The following DEPDC1B variants were observed in gnomAD, a reference collection of about 807,000 sequenced individuals.
DEPDC1B encodes the protein DEP domain-containing protein 1B.
Under a neutral mutation model 66.5 loss-of-function variants are expected in DEPDC1B, and 51 were observed. That is an observed-to-expected ratio of 0.77 (90% CI 0.61 to 0.97). The LOEUF is 0.97. Among genes scored for constraint, DEPDC1B ranks in the 50% least tolerant of loss-of-function variants. The pLI is 0.00. For synonymous variants in DEPDC1B, 226 were observed against 223.6 expected (o/e 1.01, Z -0.10); for missense variants, 552 against 637.1 (o/e 0.87, Z 1.44).
At chr5:60,699,002 C>A (rs1754716438) in intron 1 of DEPDC1B, among the ~76,000 whole-genome samples, 1 of 152,136 alleles carries the variant, frequency 6.6e-6, no homozygotes, top group Non-Finnish European at 1.5e-5. Flanking sequence ...TCAAAGCGAT[C>A]TATGAGCCAA....
chr5:60,672,249 AAG>A (rs1173726841), intron 2 of DEPDC1B, among the ~76,000 whole-genome samples: 1 of 152,214 alleles, frequency 6.6e-6, no homozygotes, highest in Admixed American at 6.5e-5. Context: ...ATTTGAGCGC[AAG>A]TTACAGTAGA....
chr5:60,660,639 A>G (rs1045110911), intron 2 of DEPDC1B, among the ~76,000 whole-genome samples: 3 of 152,252 alleles, frequency 2.0e-5, no homozygotes, highest in African/African-American at 7.2e-5. Flanking sequence ...GGGAAACCTC[A>G]TTGTAAGCAC....
rs911881298 is a variant in DEPDC1B at position 60,605,912 on chromosome 5, A to G, written c.899-56T>C. On this transcript the variant is annotated intron_variant, in intron 7 of 10. Transcript: ENST00000265036. ...CAACACCTATAGCCTAGTAGATTCT[A>G]TATGGTTGTATTTTAACAAAATATA... 2.8e-6 allele frequency: 4 copies of G among 1,435,908 alleles called. No individual in the cohort carries two copies. The Admixed American group carries it at 9.3e-5, about 33-fold the overall frequency. 88.9% of individuals were successfully genotyped at this position (1,435,908 alleles called of 1,614,324 possible). A position where few individuals can be genotyped will look rare whatever the true frequency, so the allele number is the denominator to read the frequency against.
intron 9 of DEPDC1B, among the ~76,000 whole-genome samples, chr5:60,601,380 T>C (rs1752196689): frequency 6.6e-6 from 1 of 152,238 alleles, no homozygotes; most frequent in African/African-American, 2.4e-5. Context: ...CAAGTGTTAA[T>C]GATAATATCC....
chr5:60,597,859 G>C lies in DEPDC1B; in HGVS notation c.1484C>G (p.Ala495Gly). The change falls in exon 11 of 11, where the codon GCA becomes GGA. Residue 495 changes from alanine (A) to glycine (G), a missense_variant. Ala to Gly is a moderately conservative substitution (Grantham distance 60, BLOSUM62 0). Coordinates refer to ENST00000265036, the MANE Select transcript of DEPDC1B (RefSeq NM_018369.3). Reference protein sequence around the residue: ...YQERFPTPESAALLFPEKPKP... With the variant: ...YQERFPTPESGALLFPEKPKP... ...GGGTTTTTCAGGAAACAGAAGTGCT[G>C]CACTTTCTGGTGTAGGAAATCGTTC... is the stretch of plus-strand genomic sequence containing the variant. The C allele has an allele frequency of 6.2e-7, 1 of 1,613,046 alleles. No homozygotes were observed. Among genetic ancestry groups the C allele is most frequent in the Non-Finnish European group, 8.5e-7 (1 of 1,179,546 alleles).
chr5:60,658,086 T>C (rs1364646148), intron 2 of DEPDC1B, among the ~76,000 whole-genome samples: 2 of 152,230 alleles, frequency 1.3e-5, no homozygotes, highest in African/African-American at 2.4e-5. Context: ...ATTCTATCAC[T>C]GAGACTTTCC....
Position 60,687,110 on chromosome 5 carries a change from G to T in DEPDC1B, c.166C>A (p.Leu56Met), listed in dbSNP as rs777278688. ...CCGAAGTTTTGACTGCACCTCAGCA[G>T]CTCATGCAGCCAATCCACAGCTTCG... ...AAEAVDWLHELLRCSQNFGPE... is the reference protein window; with the variant it reads ...AAEAVDWLHEMLRCSQNFGPE... Residue 56 changes from leucine to methionine, a missense_variant, in exon 2 of 11, where the codon CTG becomes ATG. Physicochemically the swap from Leu to Met is conservative, Grantham distance 15. Coordinates refer to ENST00000265036, the MANE Select transcript of DEPDC1B (RefSeq NM_018369.3). The T allele has an allele frequency of 8.7e-6, 14 of 1,614,208 alleles. No homozygotes were observed. The highest frequency in any genetic ancestry group is 1.1e-5 in the South Asian group (1 of 91,082).
intron 2 of DEPDC1B, among the ~76,000 whole-genome samples, chr5:60,662,261 G>T (rs1285990252): frequency 1.3e-5 from 2 of 152,204 alleles, no homozygotes; most frequent in South Asian, 2.1e-4. Context: ...GGTGGCAGGC[G>T]CCTATAGTCC....
At chr5:60,636,622 G>A (rs1753049888) in intron 7 of DEPDC1B, among the ~76,000 whole-genome samples, 1 of 152,078 alleles carries the variant, frequency 6.6e-6, no homozygotes, top group Non-Finnish European at 1.5e-5. Context: ...TAACAGGATT[G>A]CTATGTTAGA....
chr5:60,628,187 T>C (rs1752844711), intron 7 of DEPDC1B: 1 of 152,220 alleles, frequency 6.6e-6, no homozygotes, highest in African/African-American at 2.4e-5. Flanking sequence ...TTATTCAGAA[T>C]TGTTAAGTGC....
At chr5:60,609,732 C>A (rs1263367683) in intron 7 of DEPDC1B, among the ~76,000 whole-genome samples, 1 of 152,096 alleles carries the variant, frequency 6.6e-6, no homozygotes, top group Non-Finnish European at 1.5e-5. Context: ...ATTTAGCTAT[C>A]TTTTATAGCA....
In DEPDC1B at chr5:60,613,828, G is replaced by GTGTGTGTGTGTGTA. The variant is rs3989094; in HGVS notation, c.899-7973_899-7972insTACACACACACACA. 9.0e-3 allele frequency among the ~76,000 whole-genome samples: 1,307 copies of GTGTGTGTGTGTGTA among 144,452 alleles called. 30 individuals carry two copies. The highest frequency in any genetic ancestry group is 0.03 in the African/African-American group (1,151 of 38,136). 94.8% of individuals were successfully genotyped at this position (144,452 alleles called of 152,430 possible). ...TGTGTGTGTGTGTGTGTGTGTGTGT[G>GTGTGTGTGTGTGTA]TATACATAAAAAACAGATGTAGGGT... On this transcript the variant is annotated intron_variant, in intron 7 of 10. Transcript: ENST00000265036.
At chr5:60,686,578 C>T (rs1224344031) in intron 2 of DEPDC1B, among the ~76,000 whole-genome samples, 2 of 152,192 alleles carry the variant, frequency 1.3e-5, no homozygotes, top group Non-Finnish European at 2.9e-5. Context: ...ATCACACACA[C>T]TCTGCTACTA....
At chr5:60,642,779 A>G (rs1485275848) in intron 6 of DEPDC1B, 33 bp downstream of exon 6, 1 of 1,591,724 alleles carries the variant, frequency 6.3e-7, no homozygotes, top group South Asian at 1.1e-5. Flanking sequence ...ATTTCTGTTA[A>G]TTTCACAAAA....
intron 7 of DEPDC1B, among the ~76,000 whole-genome samples, chr5:60,620,517 C>T (rs1752677332): frequency 6.6e-6 from 1 of 152,186 alleles, no homozygotes; most frequent in Non-Finnish European, 1.5e-5. Context: ...GACATTTATG[C>T]AGCCAAAAGA....
At chr5:60,692,134 T>C (rs1754559457) in intron 1 of DEPDC1B, among the ~76,000 whole-genome samples, 1 of 152,050 alleles carries the variant, frequency 6.6e-6, no homozygotes, top group South Asian at 2.1e-4. Context: ...TCTAAAACAA[T>C]TGAGTTCAAA....
intron 7 of DEPDC1B, among the ~76,000 whole-genome samples, chr5:60,625,832 C>T (rs1752798999): frequency 6.6e-6 from 1 of 151,974 alleles, no homozygotes; most frequent in Non-Finnish European, 1.5e-5. Context: ...TTTTTTCTCT[C>T]TGTGCTTTGT....
At chr5:60,680,845 A>G (rs1754281208) in intron 2 of DEPDC1B, among the ~76,000 whole-genome samples, 1 of 152,088 alleles carries the variant, frequency 6.6e-6, no homozygotes, top group African/African-American at 2.4e-5. Flanking sequence ...ATTCACTAAT[A>G]TATTTGATAA....
At chr5:60,695,889 C>T (rs1057499786) in intron 1 of DEPDC1B, among the ~76,000 whole-genome samples, 3 of 152,242 alleles carry the variant, frequency 2.0e-5, no homozygotes, top group Non-Finnish European at 4.4e-5. Flanking sequence ...ACCTCCGACG[C>T]CCTGGTTCAA....
Sources: allele counts gnomAD v4.1 joint callset (sites outside exome capture counted in the v4.1 genomes callset), GRCh38; gene constraint gnomAD v4.1.1; transcripts MANE v1.5; gene names NCBI Gene and HGNC (gene_info 2026-07-23, HGNC 2026-07-21).